NFIB: variants seen among roughly 807,000 people sequenced by gnomAD.
NFIB encodes the protein nuclear factor 1 B-type.
NFIB carries 11 observed loss-of-function variants against 61.5 expected under a neutral mutation model. The ratio of observed to expected loss-of-function variants is 0.18; its 90% confidence interval spans 0.11 to 0.30. The LOEUF (loss-of-function observed/expected upper bound fraction) is 0.30. Ranked by LOEUF, NFIB falls within the 10% of genes least tolerant of loss-of-function variation. NFIB has a pLI of 1.00. For synonymous variants in NFIB, 260 were observed against 216.5 expected (o/e 1.20, Z -1.76); for missense variants, 471 against 608.9 (o/e 0.77, Z 2.38).
chr9:14,158,509 A>G (rs2043733983), intron 3 of NFIB, among the ~76,000 whole-genome samples: 1 of 152,180 alleles, frequency 6.6e-6, no homozygotes, highest in African/African-American at 2.4e-5. Context: ...CAGATCCTTT[A>G]TTTACAGAAG....
chr9:14,455,021 T>C, the NFIB span, among the ~76,000 whole-genome samples: 220 of 152,288 alleles, frequency 1.4e-3, no homozygotes, highest in African/African-American at 5.2e-3. Context: ...TAAACTTTTA[T>C]GGTTGTAAGC....
chr9:14,210,852 T>G (rs2050233741), intron 2 of NFIB, among the ~76,000 whole-genome samples: 1 of 152,184 alleles, frequency 6.6e-6, no homozygotes, highest in African/African-American at 2.4e-5. Context: ...CAAATTTCAT[T>G]TGTGTCAGTG....
Position 14,183,564 on chromosome 9 carries a change from C to A in NFIB, c.563-3784G>T, listed in dbSNP as rs1463568685. Reference sequence around the variant, plus strand: ...GACTACAGGCGCACACCACCACACCCAGCTAGTTTTTGTATTTTTTGGTAG... The same window carrying A: ...GACTACAGGCGCACACCACCACACCAAGCTAGTTTTTGTATTTTTTGGTAG... On this transcript the variant is annotated intron_variant, in intron 2 of 10. Transcript: ENST00000380953. 2.0e-5 allele frequency among the ~76,000 whole-genome samples: 3 copies of A among 152,102 alleles called. No homozygotes were observed. In the East Asian group the frequency reaches 5.8e-4, roughly 30 times the overall value.
At chr9:14,126,162 A>G (rs190579883) in intron 6 of NFIB, among the ~76,000 whole-genome samples, 1 of 152,296 alleles carries the variant, frequency 6.6e-6, no homozygotes, top group African/African-American at 2.4e-5. Context: ...GGGAAAAACA[A>G]CCTTCAGGTA....
At chr9:14,192,235 T>C (rs2048024810) in intron 2 of NFIB, among the ~76,000 whole-genome samples, 2 of 152,232 alleles carry the variant, frequency 1.3e-5, no homozygotes, top group South Asian at 2.1e-4. Flanking sequence ...CATGGATATT[T>C]TGCAAAACCA....
intron 1 of NFIB, among the ~76,000 whole-genome samples, chr9:14,328,419 T>G (rs1458413868): frequency 6.6e-6 from 1 of 152,206 alleles, no homozygotes; most frequent in Non-Finnish European, 1.5e-5. Context: ...GTGCTAGGAT[T>G]ATTATAGGCG....
chr9:14,486,645 T>C, the NFIB span, among the ~76,000 whole-genome samples: 1 of 152,088 alleles, frequency 6.6e-6, no homozygotes, highest in Non-Finnish European at 1.5e-5. Context: ...CCCCAGGTGA[T>C]GCCTTCCATG....
At chr9:14,091,550 T>C (rs1324518528) in intron 10 of NFIB, among the ~76,000 whole-genome samples, 2 of 152,066 alleles carry the variant, frequency 1.3e-5, no homozygotes, top group South Asian at 2.1e-4. Flanking sequence ...ATTCCAACTA[T>C]CTGCATTCCA....
chr9:14,421,991 T>C, the NFIB span, among the ~76,000 whole-genome samples: 8,565 of 152,226 alleles, frequency 0.056, 240 homozygotes, highest in East Asian at 0.066. Context: ...AGACCAAAAG[T>C]TTCTCTTATG....
At chr9:14,448,804 G>A in the NFIB span, among the ~76,000 whole-genome samples, 7 of 152,078 alleles carry the variant, frequency 4.6e-5, no homozygotes, top group African/African-American at 1.2e-4. Context: ...TCTAATACTC[G>A]ACGTTAAGAT....
intron 2 of NFIB, among the ~76,000 whole-genome samples, chr9:14,226,886 T>A (rs1265283225): frequency 6.6e-6 from 1 of 151,986 alleles, no homozygotes. Flanking sequence ...ACACCTGTAA[T>A]CCCGGCACTT....
chr9:14,089,336 C>T (rs2033454584), intron 10 of NFIB, among the ~76,000 whole-genome samples: 1 of 148,000 alleles, frequency 6.8e-6, no homozygotes, highest in African/African-American at 2.5e-5. Flanking sequence ...ATCAGTTCAA[C>T]TTTCGCCTAT....
the NFIB span, among the ~76,000 whole-genome samples, chr9:14,438,307 G>T: frequency 9.3e-4 from 141 of 152,326 alleles, 1 homozygote; most frequent in East Asian, 0.027. Flanking sequence ...ATCACCATCA[G>T]AAAGAAACGC....
intron 1 of NFIB, among the ~76,000 whole-genome samples, chr9:14,382,319 G>A (rs1243609116): frequency 6.6e-6 from 1 of 151,908 alleles, no homozygotes; most frequent in Non-Finnish European, 1.5e-5. Context: ...TACAATTGTT[G>A]ACGGCACCAG....
chr9:14,367,000 A>G (rs1007208052), intron 1 of NFIB, among the ~76,000 whole-genome samples: 4 of 152,014 alleles, frequency 2.6e-5, no homozygotes, highest in Non-Finnish European at 5.9e-5. Context: ...CTCTCCTTCC[A>G]CCACTCTAAA....
At chr9:14,413,546 C>T in the NFIB span, among the ~76,000 whole-genome samples, 12 of 152,136 alleles carry the variant, frequency 7.9e-5, no homozygotes, top group East Asian at 1.5e-3. Flanking sequence ...AAAGTGAAGA[C>T]ACTAGTAATT....
chr9:14,183,335 T>A (rs929579256), intron 2 of NFIB, among the ~76,000 whole-genome samples: 8 of 152,008 alleles, frequency 5.3e-5, no homozygotes, highest in African/African-American at 1.9e-4. Context: ...AAGGCTGAAG[T>A]CTTTGAGGAA....
chr9:14,309,672 C>T (rs1219173447), intron 1 of NFIB, among the ~76,000 whole-genome samples: 3 of 152,236 alleles, frequency 2.0e-5, no homozygotes, highest in African/African-American at 7.2e-5. Flanking sequence ...CATACACTTT[C>T]TGATGCCATG....
chr9:14,088,261 T>C lies in NFIB; in HGVS notation c.*48A>G, dbSNP rs763337669. 1.0e-5 allele frequency: 16 copies of C among 1,593,868 alleles called. No individual in the cohort carries two copies. Among genetic ancestry groups the C allele is most frequent in the Middle Eastern group, 1.7e-4 (1 of 5,998 alleles). On this transcript the variant is annotated 3_prime_UTR_variant, in exon 11 of 11. Coordinates refer to ENST00000380953, the MANE Select transcript of NFIB (RefSeq NM_001190737.2). ...TATGTTCAAACCGTAATTTTGGACATTGGCCGGTAAGATGGGTGTCCTATT... is the reference window on the plus strand; with the variant it reads ...TATGTTCAAACCGTAATTTTGGACACTGGCCGGTAAGATGGGTGTCCTATT...
Sources: allele counts gnomAD v4.1 joint callset (sites outside exome capture counted in the v4.1 genomes callset), GRCh38; gene constraint gnomAD v4.1.1; transcripts MANE v1.5; gene names NCBI Gene and HGNC (gene_info 2026-07-23, HGNC 2026-07-21).